Variants in RYK observed in about 807,000 individuals in gnomAD.
RYK encodes receptor like tyrosine kinase.
RYK carries 21 observed loss-of-function variants against 70.2 expected under a neutral mutation model. The ratio of observed to expected loss-of-function variants is 0.30; its 90% CI spans 0.21 to 0.43. The LOEUF is 0.43. RYK is among the 20% of genes least tolerant of loss of function. The pLI, the probability that RYK is intolerant of heterozygous loss-of-function variation, is 1.00. For missense variants in RYK, 604 were observed against 753.3 expected, an observed-to-expected ratio of 0.80 and a Z score of 2.32; for synonymous variants, 267 against 278.0, an observed-to-expected ratio of 0.96 and a Z score of 0.39.
At chr3:134,167,150 A>G (rs538611726) in intron 13 of RYK, among the ~76,000 whole-genome samples, 55 of 152,316 alleles carry the variant, frequency 3.6e-4, no homozygotes, top group African/African-American at 1.3e-3. Flanking sequence ...TCTATACTTT[A>G]AAAAATAATA....
chr3:134,179,424 T>A (rs1056381244), intron 10 of RYK: 2 of 152,154 alleles, frequency 1.3e-5, no homozygotes, highest in African/African-American at 2.4e-5. Context: ...GGTGGGAAAA[T>A]GAGGACTTAA....
chr3:134,232,610 A>G (rs920462370), intron 1 of RYK, among the ~76,000 whole-genome samples: 3 of 152,238 alleles, frequency 2.0e-5, no homozygotes. Context: ...TTTTCTGACT[A>G]TAGGTTTTGA....
intron 7 of RYK, among the ~76,000 whole-genome samples, chr3:134,192,276 A>G (rs2013667149): frequency 6.6e-6 from 1 of 152,166 alleles, no homozygotes; most frequent in East Asian, 1.9e-4. Context: ...AAATGAAACA[A>G]GCTTTGATCT....
intron 11 of RYK, among the ~76,000 whole-genome samples, chr3:134,176,494 T>G (rs999102505): frequency 2.0e-5 from 3 of 152,184 alleles, no homozygotes; most frequent in African/African-American, 7.2e-5. Flanking sequence ...ATCCCAGCAC[T>G]TGGGAAGGCT....
chr3:134,196,519 C>T (rs2013815034), intron 6 of RYK, among the ~76,000 whole-genome samples: 1 of 151,506 alleles, frequency 6.6e-6, no homozygotes, highest in Admixed American at 6.6e-5. Context: ...TTAGGCAGAT[C>T]ACTTTAGTCC....
intron 5 of RYK, among the ~76,000 whole-genome samples, chr3:134,204,714 G>C (rs1449800744): frequency 1.3e-5 from 2 of 151,936 alleles, no homozygotes; most frequent in African/African-American, 2.4e-5. Flanking sequence ...AGTAGAACTG[G>C]TGTGACTGGA....
At position 134,209,835 on chromosome 3, in the gene RYK, T is replaced by A; in HGVS notation, c.455-6A>T. On this transcript the variant is annotated splice_region_variant and splice_polypyrimidine_tract_variant and intron_variant, in intron 3 of 14. Coordinates refer to ENST00000623711, the MANE Select transcript of RYK (RefSeq NM_002958.4). ...GGAAAGCTCTACCCGAAACACTGTT[T>A]AAAAAAGATAAGAAAAATATTTTAC... The A allele has an allele frequency of 3.4e-6, 5 of 1,460,692 alleles. No homozygotes were observed. The highest frequency in any genetic ancestry group is 1.5e-5 in the South Asian group (1 of 66,846). 90.5% of individuals were successfully genotyped at this position (1,460,692 alleles called of 1,614,324 possible). A position where few individuals can be genotyped will look rare whatever the true frequency, so the allele number is the denominator to read the frequency against.
chr3:134,158,350 T>C, intron 14 of RYK, 86 bp from the exon 15 acceptor site: 1 of 629,696 alleles, frequency 1.6e-6, no homozygotes, highest in Non-Finnish European at 2.5e-6. Context: ...TTATGTTGCC[T>C]GTCTAAAGGT....
chr3:134,178,370 T>G (rs2013181292), intron 10 of RYK: 1 of 218,792 alleles, frequency 4.6e-6, no homozygotes, highest in African/African-American at 2.3e-5. Context: ...ATATCTTTAC[T>G]CCAAAGGGCA....
intron 9 of RYK, among the ~76,000 whole-genome samples, chr3:134,185,114 AC>A: frequency 1.3e-5 from 2 of 150,404 alleles, no homozygotes; most frequent in East Asian, 3.9e-4. Context: ...AGCCTGGGTG[AC>A]AGAGTGAGAC....
chr3:134,163,900 AAGG>A (rs1269032894), intron 13 of RYK, among the ~76,000 whole-genome samples: 50 of 152,322 alleles, frequency 3.3e-4, no homozygotes, highest in African/African-American at 1.1e-3. Context: ...GTTTTATAAG[AAGG>A]AGAAGAATTA....
At chr3:134,199,323 T>C (rs1485843084) in intron 6 of RYK, among the ~76,000 whole-genome samples, 1 of 152,228 alleles carries the variant, frequency 6.6e-6, no homozygotes, top group African/African-American at 2.4e-5. Flanking sequence ...ATGGGCTCCA[T>C]CTAACCTCAC....
intron 2 of RYK, among the ~76,000 whole-genome samples, chr3:134,218,630 C>T (rs1472458913): frequency 6.6e-6 from 1 of 152,088 alleles, no homozygotes; most frequent in Non-Finnish European, 1.5e-5. Context: ...AAAAATGACA[C>T]TAAATGACTG....
chr3:134,202,425 C>A, intron 6 of RYK: 1 of 259,722 alleles, frequency 3.9e-6, no homozygotes, highest in Non-Finnish European at 7.2e-6. Context: ...AAGGAAGAAA[C>A]AGGGCTATTT....
intron 13 of RYK, among the ~76,000 whole-genome samples, chr3:134,159,632 C>T (rs949414130): frequency 4.6e-5 from 7 of 152,058 alleles, no homozygotes; most frequent in Admixed American, 6.6e-5. Context: ...TTACAAGCTA[C>T]GTATTATGAA....
At chr3:134,248,822 T>C (rs2015536607) in intron 1 of RYK, among the ~76,000 whole-genome samples, 1 of 152,086 alleles carries the variant, frequency 6.6e-6, no homozygotes, top group Non-Finnish European at 1.5e-5. Flanking sequence ...TGTGTGACCT[T>C]GAGCAAGTTA....
At chr3:134,179,354 G>C (rs142473775) in intron 10 of RYK, 292 of 152,302 alleles carry the variant, frequency 1.9e-3, no homozygotes, top group African/African-American at 6.6e-3. Flanking sequence ...AAGTGGCAAA[G>C]CTGTGCGCTC....
intron 2 of RYK, among the ~76,000 whole-genome samples, chr3:134,212,682 G>A (rs769953950): frequency 6.6e-6 from 1 of 152,150 alleles, no homozygotes; most frequent in African/African-American, 2.4e-5. Context: ...ATATATGCTA[G>A]TGAAAAAAGC....
intron 1 of RYK, among the ~76,000 whole-genome samples, chr3:134,222,841 T>C (rs1293732581): frequency 6.6e-6 from 1 of 152,212 alleles, no homozygotes; most frequent in Non-Finnish European, 1.5e-5. Flanking sequence ...ATGCTCTTTC[T>C]TCTGGACACA....
Sources: allele counts gnomAD v4.1 joint callset (sites outside exome capture counted in the v4.1 genomes callset), GRCh38; gene constraint gnomAD v4.1.1; transcripts MANE v1.5; gene names NCBI Gene and HGNC (gene_info 2026-07-23, HGNC 2026-07-21).